The following JPH2 variants were observed in gnomAD, a reference collection of about 807,000 sequenced individuals.
The protein encoded by JPH2 is junctophilin 2.
In JPH2, 38 loss-of-function variants were observed where a neutral mutation model predicts 55.9. That is an observed-to-expected ratio of 0.68 (90% CI 0.52 to 0.89). JPH2 has a LOEUF of 0.89. JPH2 is among the 40% of genes least tolerant of loss of function. The pLI, the probability that JPH2 is intolerant of heterozygous loss-of-function variation, is 0.00. For missense variants in JPH2, 964 were observed against 1,037.6 expected (o/e 0.93, Z 0.97); for synonymous variants, 480 against 472.4 (o/e 1.02, Z -0.21).
At chr20:44,148,209 A>T (rs2072506084) in intron 2 of JPH2, among the ~76,000 whole-genome samples, 1 of 152,130 alleles carries the variant, frequency 6.6e-6, no homozygotes, top group Non-Finnish European at 1.5e-5. Flanking sequence ...AAACCTCTCT[A>T]TATGCCTAAG....
rs781376425 is a variant in JPH2 at position 44,118,581 on chromosome 20, G to A, written c.1212C>T (p.Ala404=). Residue 404 remains alanine (A), a synonymous_variant, in exon 3 of 6, where the codon GCC becomes GCT. Transcript: ENST00000372980. ...TGGACTCCTGGTTGGCAGCCAGGGC[G>A]GCCTGTTCCGCTGCCTCAGCTTTGG... The part of the protein sequence containing the change: ...AKAKAEAAEQ[A]ALAANQESNI... The A allele has an allele frequency of 1.3e-5, 21 of 1,612,384 alleles. No individual in the cohort carries two copies. Among genetic ancestry groups the A allele is most frequent in the Admixed American group, 6.7e-5 (4 of 60,010 alleles).
rs762807114 is a variant in JPH2 at position 44,115,762 on chromosome 20, C to A, written c.1913G>T (p.Arg638Leu). 7 of 1,612,504 alleles carry A rather than the reference C, an allele frequency of 4.3e-6. No homozygotes were observed. In the South Asian group the frequency reaches 6.6e-5, roughly 15 times the overall value. Residue 638 changes from arginine to leucine, a missense_variant, in exon 4 of 6, where the codon CGC becomes CTC. Transcript: ENST00000372980. ...IPKAEPRAKA[R>L]KTEARGLTKA... The stretch of plus-strand genomic sequence containing the variant: ...GGTCAGCCCTCGAGCCTCAGTCTTG[C>A]GGGCCTTGGCCCTGGGCTCGGCTTT...
At chr20:44,174,299 G>A (rs1347277274) in intron 1 of JPH2, among the ~76,000 whole-genome samples, 3 of 152,160 alleles carry the variant, frequency 2.0e-5, no homozygotes, top group African/African-American at 4.8e-5. Context: ...ATGCTGCCTT[G>A]CATTGAAAAG....
At chr20:44,158,272 C>A (rs2072579835) in intron 2 of JPH2, among the ~76,000 whole-genome samples, 1 of 152,006 alleles carries the variant, frequency 6.6e-6, no homozygotes, top group Non-Finnish European at 1.5e-5. Context: ...GGCAAAGGAA[C>A]CAGTATGAAC....
chr20:44,184,339 C>T (rs2038488984), intron 1 of JPH2, among the ~76,000 whole-genome samples: 1 of 152,146 alleles, frequency 6.6e-6, no homozygotes, highest in Non-Finnish European at 1.5e-5. Context: ...GCAGAACTGA[C>T]AGCAGGCTAG....
chr20:44,175,739 C>T (rs2072728723), intron 1 of JPH2, among the ~76,000 whole-genome samples: 1 of 152,246 alleles, frequency 6.6e-6, no homozygotes, highest in Non-Finnish European at 1.5e-5. Context: ...CAGGAGGCAT[C>T]TCCTGGGTGC....
chr20:44,163,127 C>T (rs570972599), intron 1 of JPH2, among the ~76,000 whole-genome samples: 2 of 152,256 alleles, frequency 1.3e-5, no homozygotes, highest in Admixed American at 1.3e-4. Context: ...AAAATGGAAG[C>T]TCCATGAGGG....
intron 2 of JPH2, among the ~76,000 whole-genome samples, chr20:44,152,720 G>C (rs1032811419): frequency 1.3e-5 from 2 of 152,238 alleles, no homozygotes; most frequent in Admixed American, 6.5e-5. Flanking sequence ...GTGGAAATGA[G>C]TGTTGGCAGT....
chr20:44,129,559 A>AAC, intron 2 of JPH2, among the ~76,000 whole-genome samples: 1 of 119,172 alleles, frequency 8.4e-6, no homozygotes, highest in East Asian at 2.3e-4. Flanking sequence ...TCTCAAAAAA[A>AAC]AAAAAAAAAA....
At chr20:44,116,835 T>C (rs950459844) in intron 3 of JPH2, among the ~76,000 whole-genome samples, 3 of 152,206 alleles carry the variant, frequency 2.0e-5, no homozygotes, top group African/African-American at 7.2e-5. Context: ...CGCACCGGCA[T>C]AGACCAGCAG....
At chr20:44,150,013 G>A (rs530960060) in intron 2 of JPH2, among the ~76,000 whole-genome samples, 3 of 149,656 alleles carry the variant, frequency 2.0e-5, no homozygotes, top group South Asian at 2.1e-4. Context: ...CATGCTAACC[G>A]GACATTACAT....
chr20:44,116,142 G>A lies in JPH2; in HGVS notation c.1533C>T (p.Ala511=). The A allele has an allele frequency of 7.0e-7, 1 of 1,434,292 alleles. No individual in the cohort carries two copies. The highest frequency in any genetic ancestry group is 1.5e-5 in the South Asian group (1 of 67,816). 88.8% of individuals were successfully genotyped at this position (1,434,292 alleles called of 1,614,324 possible). ...VSKDGLLSPG[A]WNGEPSGEGS... is the part of the protein sequence containing the mutation. ...CCTCACCGCTGGGCTCGCCGTTCCA[G>A]GCGCCTGGGCTCAGCAGGCCGTCCT... Residue 511 remains alanine (A), a synonymous_variant, in exon 4 of 6, where the codon GCC becomes GCT. Coordinates refer to ENST00000372980, the MANE Select transcript of JPH2 (RefSeq NM_020433.5).
chr20:44,134,912 A>ATATTTAT (rs2072397708), intron 2 of JPH2, among the ~76,000 whole-genome samples: 3 of 89,022 alleles, frequency 3.4e-5, no homozygotes, highest in African/African-American at 1.3e-4. Flanking sequence ...ATATATATAT[A>ATATTTAT]AAATATATAT....
chr20:44,117,968 G>A (rs2072206421), intron 3 of JPH2, among the ~76,000 whole-genome samples: 2 of 152,200 alleles, frequency 1.3e-5, no homozygotes, highest in Admixed American at 1.3e-4. Context: ...GGTTTACAGA[G>A]GTTAAACACC....
At chr20:44,150,340 T>A (rs1052521094) in intron 2 of JPH2, among the ~76,000 whole-genome samples, 4 of 152,156 alleles carry the variant, frequency 2.6e-5, no homozygotes, top group African/African-American at 9.7e-5. Flanking sequence ...AAAATAAGTA[T>A]AAAATTGTAC....
rs1555852310 is a variant in JPH2, at chr20:44,108,643, A to AG, written c.*4874_*4875insC. ...ATGAGACTCTGTCTCAAAAAAAAAAAAAAAGAAAAGAGGAAGAAGAAGTGA... is the reference window on the plus strand; with the variant it reads ...ATGAGACTCTGTCTCAAAAAAAAAAAGAAAAGAAAAGAGGAAGAAGAAGTGA... On this transcript the variant is annotated 3_prime_UTR_variant, in exon 6 of 6. Transcript: ENST00000372980. Among the ~76,000 whole-genome samples the AG allele has an allele frequency of 7.0e-4, 107 of 151,782 alleles. No homozygotes were observed. Among genetic ancestry groups the AG allele is most frequent in the Non-Finnish European group, 1.4e-3 (94 of 67,868 alleles).
At chr20:44,143,952 T>C (rs961393300) in intron 2 of JPH2, among the ~76,000 whole-genome samples, 1 of 151,910 alleles carries the variant, frequency 6.6e-6, no homozygotes, top group African/African-American at 2.4e-5. Flanking sequence ...GAGGGGGTGC[T>C]TGACTCCCCA....
intron 2 of JPH2, among the ~76,000 whole-genome samples, chr20:44,142,916 C>T (rs1431495360): frequency 6.6e-6 from 1 of 152,118 alleles, no homozygotes; most frequent in Non-Finnish European, 1.5e-5. Context: ...CTTCCTGGGT[C>T]ACACATACCT....
At chr20:44,154,476 G>T (rs748023388) in intron 2 of JPH2, among the ~76,000 whole-genome samples, 2 of 152,196 alleles carry the variant, frequency 1.3e-5, no homozygotes, top group African/African-American at 2.4e-5. Context: ...ATGGCAAGTG[G>T]CTACCATACT....
Sources: allele counts gnomAD v4.1 joint callset (sites outside exome capture counted in the v4.1 genomes callset), GRCh38; gene constraint gnomAD v4.1.1; transcripts MANE v1.5; gene names NCBI Gene and HGNC (gene_info 2026-07-23, HGNC 2026-07-21).